The following PTPRD variants were observed in gnomAD, a reference collection of about 807,000 sequenced individuals.
The protein encoded by PTPRD is receptor-type tyrosine-protein phosphatase delta.
PTPRD carries 34 observed loss-of-function variants against 214.5 expected under a neutral mutation model. The ratio of observed to expected loss-of-function variants is 0.16; its 90% CI spans 0.12 to 0.21. The LOEUF (loss-of-function observed/expected upper bound fraction) is 0.21. PTPRD is among the 10% of genes least tolerant of loss of function. PTPRD has a pLI of 1.00. For synonymous variants in PTPRD, 1,128 were observed against 845.7 expected (o/e 1.33, Z -5.79); for missense variants, 2,545 against 2,398.7 (o/e 1.06, Z -1.27).
intron 3 of PTPRD, among the ~76,000 whole-genome samples, chr9:10,319,550 C>T (rs1395068587): frequency 6.6e-6 from 1 of 152,026 alleles, no homozygotes; most frequent in African/African-American, 2.4e-5. Context: ...AAGATATCAT[C>T]TCTTTCTTTC....
chr9:8,962,062 C>T (rs2154319248), intron 11 of PTPRD: 1 of 152,158 alleles, frequency 6.6e-6, no homozygotes, highest in East Asian at 1.9e-4. Context: ...GTATCTTTTA[C>T]ATTGGAGCAT....
intron 8 of PTPRD, among the ~76,000 whole-genome samples, chr9:9,410,184 A>T (rs1019041231): frequency 6.6e-6 from 1 of 152,172 alleles, no homozygotes; most frequent in Non-Finnish European, 1.5e-5. Flanking sequence ...GGTTACTGGC[A>T]CAAATCAATA....
intron 3 of PTPRD, among the ~76,000 whole-genome samples, chr9:10,132,182 T>TA (rs1047635379): frequency 6.6e-5 from 10 of 151,272 alleles, no homozygotes; most frequent in South Asian, 2.1e-4. Flanking sequence ...ATTATGAAGT[T>TA]AAAAAAAAAC....
At chr9:10,508,367 C>T (rs529760429) in intron 2 of PTPRD, among the ~76,000 whole-genome samples, 1 of 152,126 alleles carries the variant, frequency 6.6e-6, no homozygotes, top group Non-Finnish European at 1.5e-5. Context: ...ACTAGTTCAA[C>T]CATTGTGGAA....
At chr9:9,771,827 A>G (rs1165546365) in intron 5 of PTPRD, among the ~76,000 whole-genome samples, 1 of 152,174 alleles carries the variant, frequency 6.6e-6, no homozygotes, top group Non-Finnish European at 1.5e-5. Flanking sequence ...CTTAAACCAG[A>G]TGTGTTGTAA....
intron 2 of PTPRD, among the ~76,000 whole-genome samples, chr9:10,557,929 C>G (rs1177551403): frequency 6.6e-6 from 1 of 152,098 alleles, no homozygotes; most frequent in Non-Finnish European, 1.5e-5. Context: ...GTGACCTGTG[C>G]AATTTGCACA....
At chr9:9,578,516 G>A (rs576599630) in intron 7 of PTPRD, among the ~76,000 whole-genome samples, 1 of 151,648 alleles carries the variant, frequency 6.6e-6, no homozygotes, top group Non-Finnish European at 1.5e-5. Flanking sequence ...AAAATTATTT[G>A]GAAACCTAAA....
intron 39 of PTPRD, among the ~76,000 whole-genome samples, chr9:8,372,945 A>G (rs1276669386): frequency 2.0e-5 from 3 of 151,988 alleles, no homozygotes; most frequent in African/African-American, 4.8e-5. Context: ...GCTTGGATCT[A>G]CTTTGTCACT....
chr9:9,223,743 A>G (rs1244753419), intron 9 of PTPRD, among the ~76,000 whole-genome samples: 2 of 151,972 alleles, frequency 1.3e-5, no homozygotes, highest in African/African-American at 4.8e-5. Flanking sequence ...GACAATGCAA[A>G]TCAAATGCAC....
intron 11 of PTPRD, among the ~76,000 whole-genome samples, chr9:8,792,954 A>G (rs1444100708): frequency 6.6e-6 from 1 of 152,170 alleles, no homozygotes; most frequent in Admixed American, 6.5e-5. Context: ...TAAGATCTTT[A>G]CATTTCAAGG....
At chr9:8,447,500 GT>G (rs1210844177) in intron 34 of PTPRD, among the ~76,000 whole-genome samples, 1 of 152,106 alleles carries the variant, frequency 6.6e-6, no homozygotes, top group African/African-American at 2.4e-5. Context: ...GAATTCTTGA[GT>G]TTGGCCATAT....
At chr9:9,297,149 G>A (rs537374396) in intron 9 of PTPRD, among the ~76,000 whole-genome samples, 3 of 151,806 alleles carry the variant, frequency 2.0e-5, no homozygotes, top group Admixed American at 1.3e-4. Flanking sequence ...AATTTCTCCA[G>A]AAATTTCCCC....
At chr9:8,811,265 C>G (rs1452184139) in intron 11 of PTPRD, among the ~76,000 whole-genome samples, 1 of 152,100 alleles carries the variant, frequency 6.6e-6, no homozygotes, top group Non-Finnish European at 1.5e-5. Flanking sequence ...CAATCCTTTA[C>G]AGTAAAGCTC....
chr9:9,711,330 G>A (rs1221922527), intron 7 of PTPRD, among the ~76,000 whole-genome samples: 1 of 152,046 alleles, frequency 6.6e-6, no homozygotes, highest in Non-Finnish European at 1.5e-5. Context: ...TTTCACTTAA[G>A]ACGGCAGTTT....
At chr9:10,200,342 G>C (rs1358782235) in intron 3 of PTPRD, among the ~76,000 whole-genome samples, 2 of 152,048 alleles carry the variant, frequency 1.3e-5, no homozygotes, top group African/African-American at 4.8e-5. Flanking sequence ...GGCAAATTTG[G>C]TAATATGTGC....
chr9:8,517,804 C>T (rs765039566), intron 21 of PTPRD, 44 bp downstream of exon 21: 2 of 1,527,520 alleles, frequency 1.3e-6, no homozygotes, highest in Non-Finnish European at 1.8e-6. Context: ...CTCTTTGCAC[C>T]AGCCCTTCCC....
chr9:8,787,035 G>T (rs572838558), intron 11 of PTPRD, among the ~76,000 whole-genome samples: 2 of 151,976 alleles, frequency 1.3e-5, no homozygotes, highest in Non-Finnish European at 2.9e-5. Context: ...AGGGTCTCAC[G>T]ATGTTGCCTA....
chr9:8,612,430 T>A (rs1454789624), intron 14 of PTPRD, among the ~76,000 whole-genome samples: 1 of 152,112 alleles, frequency 6.6e-6, no homozygotes, highest in Non-Finnish European at 1.5e-5. Flanking sequence ...TAAGTGGAGG[T>A]GTTTGAGTGA....
rs1045442478 is a variant in PTPRD, at chr9:9,544,878, T to C, written c.-237+29854A>G. ...AAAAGTAGGAAATCTGAGCAAATTC[T>C]AGCCGATAGCCCACATTTCTAGTTG... On this transcript the variant is annotated intron_variant, in intron 8 of 45. Coordinates refer to ENST00000381196, the MANE Select transcript of PTPRD (RefSeq NM_002839.4). 2.0e-5 allele frequency among the ~76,000 whole-genome samples: 3 copies of C among 149,420 alleles called. No individual in the cohort carries two copies. The Admixed American group carries it at 2.0e-4, about 10-fold the overall frequency.
Sources: gnomAD v4.1 joint callset for allele counts (sites outside exome capture counted in the v4.1 genomes callset) on GRCh38, gnomAD v4.1.1 for gene constraint, MANE v1.5 for transcripts, NCBI Gene and HGNC (gene_info 2026-07-23, HGNC 2026-07-21) for gene names.